Variants in FBXL17 observed in about 807,000 individuals in gnomAD.
FBXL17 encodes the protein F-box and leucine rich repeat protein 17.
In FBXL17, 22 loss-of-function variants were observed where a neutral mutation model predicts 66.2. The observed-to-expected ratio is 0.33, with a 90% CI of 0.24 to 0.47. FBXL17 has a LOEUF of 0.47. Ranked by LOEUF, FBXL17 falls within the 20% of genes least tolerant of loss-of-function variation. The probability of loss-of-function intolerance (pLI) is 1.00; values close to 1 mark genes in which losing one functional copy is unlikely to be tolerated. For missense variants in FBXL17, 878 were observed against 948.2 expected (o/e 0.93, Z 0.97); for synonymous variants, 474 against 400.5 (o/e 1.18, Z -2.19).
intron 7 of FBXL17, among the ~76,000 whole-genome samples, chr5:107,932,113 T>G (rs567299144): frequency 2.0e-5 from 3 of 152,350 alleles, no homozygotes; most frequent in Non-Finnish European, 4.4e-5. Context: ...GACACTGGTC[T>G]AGACTCTCCT....
chr5:108,021,060 G>C, intron 6 of FBXL17, 59 bp from the exon 7 acceptor site: 4 of 1,214,590 alleles, frequency 3.3e-6, no homozygotes, highest in Non-Finnish European at 3.7e-6. Context: ...GCAGGGGTTT[G>C]AATATAATAG....
chr5:107,946,255 T>TTATATATATA (rs55643516), intron 7 of FBXL17, among the ~76,000 whole-genome samples: 23 of 40,394 alleles, frequency 5.7e-4, no homozygotes, highest in South Asian at 1.6e-3. Flanking sequence ...CAATCTCATT[T>TTATATATATA]TATATATATA....
intron 6 of FBXL17, among the ~76,000 whole-genome samples, chr5:108,071,999 G>A (rs1454644815): frequency 2.6e-5 from 4 of 151,952 alleles, no homozygotes; most frequent in African/African-American, 7.3e-5. Context: ...TCTATCTTCT[G>A]GATTGTTTCT....
intron 4 of FBXL17, among the ~76,000 whole-genome samples, chr5:108,257,196 AAGAC>A (rs1348332458): frequency 1.3e-5 from 2 of 152,208 alleles, no homozygotes; most frequent in Admixed American, 6.5e-5. Flanking sequence ...ACAACAAACA[AAGAC>A]AGACAGATCC....
At chr5:107,956,680 C>G (rs1450908833) in intron 7 of FBXL17, among the ~76,000 whole-genome samples, 1 of 152,176 alleles carries the variant, frequency 6.6e-6, no homozygotes, top group Non-Finnish European at 1.5e-5. Context: ...TGACAATTAA[C>G]TTGTTCTGCA....
chr5:108,090,689 T>A (rs549093930), intron 6 of FBXL17, among the ~76,000 whole-genome samples: 213 of 152,350 alleles, frequency 1.4e-3, no homozygotes, highest in Non-Finnish European at 2.3e-3. Context: ...TCTTTCTTTT[T>A]TAAAAATTTA....
At chr5:108,379,582 T>C (rs1459660126) in intron 1 of FBXL17, among the ~76,000 whole-genome samples, 2 of 152,122 alleles carry the variant, frequency 1.3e-5, no homozygotes, top group East Asian at 3.8e-4. Flanking sequence ...TTGGTGACAA[T>C]AACAATTGTA....
intron 4 of FBXL17, among the ~76,000 whole-genome samples, chr5:108,239,712 C>G (rs925812784): frequency 1.3e-5 from 2 of 152,110 alleles, no homozygotes; most frequent in African/African-American, 4.8e-5. Context: ...CAGGCAGACA[C>G]CACCTGGCGG....
intron 6 of FBXL17, among the ~76,000 whole-genome samples, chr5:108,090,097 G>A (rs927063011): frequency 1.3e-5 from 2 of 152,166 alleles, no homozygotes; most frequent in Non-Finnish European, 2.9e-5. Context: ...CCAAAGTGCT[G>A]CGATTACAGG....
chr5:107,974,466 T>C (rs1360839963), intron 7 of FBXL17, among the ~76,000 whole-genome samples: 1 of 152,154 alleles, frequency 6.6e-6, no homozygotes, highest in Non-Finnish European at 1.5e-5. Flanking sequence ...AGTAGGTAAG[T>C]AAATTTAATT....
chr5:108,039,286 T>C (rs891987496), intron 6 of FBXL17, among the ~76,000 whole-genome samples: 8 of 152,040 alleles, frequency 5.3e-5, no homozygotes, highest in South Asian at 2.1e-4. Flanking sequence ...GGAAATGATA[T>C]GATGTTTTAC....
intron 6 of FBXL17, among the ~76,000 whole-genome samples, chr5:108,095,273 A>G (rs910250225): frequency 6.6e-6 from 1 of 152,048 alleles, no homozygotes; most frequent in African/African-American, 2.4e-5. Flanking sequence ...TTTACCTACA[A>G]TATGAAAATA....
At chr5:108,060,740 C>CT (rs1464278580) in intron 6 of FBXL17, among the ~76,000 whole-genome samples, 3 of 152,090 alleles carry the variant, frequency 2.0e-5, no homozygotes, top group Non-Finnish European at 2.9e-5. Context: ...ACACACAATC[C>CT]TATGGCCTCC....
rs369867253 is a variant in FBXL17, at chr5:108,004,837, C to T, written c.1822+16088G>A. Among the ~76,000 whole-genome samples, 115 of 152,200 alleles carry T rather than the reference C, an allele frequency of 7.6e-4. 1 individual carries two copies. The South Asian group carries it at 0.023, about 30-fold the overall frequency. ...GTGGGAAATACTTCTAGACAGAATT[C>T]GTAGCGTATTATATAATACATTCTT... On this transcript the variant is annotated intron_variant, in intron 7 of 8. Coordinates refer to ENST00000542267, the MANE Select transcript of FBXL17 (RefSeq NM_001163315.3).
At chr5:108,036,154 C>T (rs1330462431) in intron 6 of FBXL17, among the ~76,000 whole-genome samples, 1 of 152,028 alleles carries the variant, frequency 6.6e-6, no homozygotes, top group African/African-American at 2.4e-5. Context: ...TTTTTTGTTG[C>T]TGTTCAAATG....
chr5:108,022,995 A>T (rs762810725), intron 6 of FBXL17, among the ~76,000 whole-genome samples: 1 of 152,178 alleles, frequency 6.6e-6, no homozygotes, highest in Non-Finnish European at 1.5e-5. Flanking sequence ...TAGCATACTC[A>T]GGAGGCAATA....
intron 4 of FBXL17, among the ~76,000 whole-genome samples, chr5:108,324,472 T>C (rs765834084): frequency 1.1e-4 from 16 of 152,028 alleles, no homozygotes; most frequent in South Asian, 2.1e-4. Context: ...ATTAGAATCC[T>C]TGGGCACTGT....
At chr5:108,091,018 G>A (rs1479407764) in intron 6 of FBXL17, among the ~76,000 whole-genome samples, 1 of 152,150 alleles carries the variant, frequency 6.6e-6, no homozygotes, top group Non-Finnish European at 1.5e-5. Flanking sequence ...TTGGGTGTGC[G>A]TGGGGGTGCT....
At chr5:108,154,144 G>T (rs1453645053) in intron 6 of FBXL17, among the ~76,000 whole-genome samples, 2 of 151,972 alleles carry the variant, frequency 1.3e-5, no homozygotes, top group African/African-American at 2.4e-5. Flanking sequence ...AGCAAACATT[G>T]AATTTGGATA....
Sources: allele counts gnomAD v4.1 joint callset (sites outside exome capture counted in the v4.1 genomes callset), GRCh38; gene constraint gnomAD v4.1.1; transcripts MANE v1.5; gene names NCBI Gene and HGNC (gene_info 2026-07-23, HGNC 2026-07-21).